MAP2K5: variants seen among roughly 807,000 people sequenced by gnomAD.
MAP2K5 encodes dual specificity mitogen-activated protein kinase kinase 5.
Under a neutral mutation model 83.1 loss-of-function variants are expected in MAP2K5, and 49 were observed. That is an observed-to-expected ratio of 0.59 (90% CI 0.47 to 0.75). The LOEUF is 0.75. Among genes scored for constraint, MAP2K5 ranks in the 30% least tolerant of loss-of-function variants. The pLI, the probability that MAP2K5 is intolerant of heterozygous loss-of-function variation, is 0.00. For missense variants in MAP2K5, 457 were observed against 557.5 expected, an observed-to-expected ratio of 0.82 and a Z score of 1.82; for synonymous variants, 202 against 191.8, an observed-to-expected ratio of 1.05 and a Z score of -0.44.
At position 67,774,624 on chromosome 15, in the gene MAP2K5, A is replaced by C. The variant is rs2090204999; in HGVS notation, c.1242+1872A>C. On this transcript the variant is annotated intron_variant, in intron 21 of 21. Coordinates refer to ENST00000178640, the MANE Select transcript of MAP2K5 (RefSeq NM_145160.3). This position sits in a 1 kb window ranked among gnomAD's most constrained non-coding sequence, Gnocchi z 4.9. The stretch of plus-strand genomic sequence containing the variant: ...CCAATCTAAAGGAACCAGCCTCTTT[A>C]TTCCTTCCAGCATATTAATGGCTTT... 6.6e-6 allele frequency among the ~76,000 whole-genome samples: 1 copy of C among 152,164 alleles called. No homozygotes were observed. Among genetic ancestry groups the C allele is most frequent in the Non-Finnish European group, 1.5e-5 (1 of 68,012 alleles).
At position 67,684,848 on chromosome 15, in the gene MAP2K5, G is replaced by A. The variant is rs532653090; in HGVS notation, c.848-7631G>A. Among the ~76,000 whole-genome samples, 5 of 152,212 alleles carry A rather than the reference G, an allele frequency of 3.3e-5. No individual in the cohort carries two copies. The South Asian group carries it at 1.0e-3, about 32-fold the overall frequency. On this transcript the variant is annotated intron_variant, in intron 13 of 21. Coordinates refer to ENST00000178640, the MANE Select transcript of MAP2K5 (RefSeq NM_145160.3). ...GGAATTAACTGAATTAGACACTACA[G>A]AAGAAATTGTGATATTGAGGTTAAA...
chr15:67,588,997 T>A (rs1272756596), intron 6 of MAP2K5, among the ~76,000 whole-genome samples: 1 of 149,428 alleles, frequency 6.7e-6, no homozygotes, highest in African/African-American at 2.4e-5. Flanking sequence ...TTTTTTTTTA[T>A]TTTTTTAAAT....
intron 13 of MAP2K5, among the ~76,000 whole-genome samples, chr15:67,669,035 T>G (rs978608864): frequency 6.6e-6 from 1 of 152,184 alleles, no homozygotes. Context: ...TACCCTTGGC[T>G]TTTCTCTTTT....
chr15:67,704,725 C>G (rs145026945), intron 16 of MAP2K5, among the ~76,000 whole-genome samples: 192 of 152,266 alleles, frequency 1.3e-3, no homozygotes, highest in African/African-American at 4.5e-3. Context: ...CCAACAGAAT[C>G]CACAAGGGCT....
rs554065826 is a variant in MAP2K5 at position 67,561,740 on chromosome 15, A to G, written c.185-1543A>G. Among the ~76,000 whole-genome samples the G allele has an allele frequency of 6.6e-6, 1 of 152,326 alleles. No individual in the cohort carries two copies. The highest frequency in any genetic ancestry group is 1.9e-4 in the East Asian group (1 of 5,188). Reference sequence around the variant, plus strand: ...TCATGCTATCAGATTGCTGTTGGCCACTGAAGAGATAAAGGGAGAAAGTAT... The same window carrying G: ...TCATGCTATCAGATTGCTGTTGGCCGCTGAAGAGATAAAGGGAGAAAGTAT... On this transcript the variant is annotated intron_variant, in intron 2 of 21. Coordinates refer to ENST00000178640, the MANE Select transcript of MAP2K5 (RefSeq NM_145160.3). The surrounding 1 kb of genome is among the most constrained non-coding windows in gnomAD (Gnocchi z 4.2).
chr15:67,616,486 A>G (rs1363824169), intron 8 of MAP2K5, among the ~76,000 whole-genome samples: 2 of 152,148 alleles, frequency 1.3e-5, no homozygotes, highest in Non-Finnish European at 2.9e-5. Flanking sequence ...TGGACGTCCT[A>G]TAAATCCCTA....
chr15:67,607,805 TA>T (rs1214651150), intron 8 of MAP2K5, among the ~76,000 whole-genome samples: 1 of 152,212 alleles, frequency 6.6e-6, no homozygotes, highest in Non-Finnish European at 1.5e-5. Context: ...TTTTATTTTT[TA>T]TGATAGTATA....
chr15:67,729,141 T>C (rs770227561), intron 17 of MAP2K5, among the ~76,000 whole-genome samples: 1 of 152,232 alleles, frequency 6.6e-6, no homozygotes, highest in African/African-American at 2.4e-5. Flanking sequence ...AGTGAGATTT[T>C]AGTGTATATA....
At chr15:67,718,826 G>A (rs1416619641) in intron 16 of MAP2K5, among the ~76,000 whole-genome samples, 2 of 152,134 alleles carry the variant, frequency 1.3e-5, no homozygotes, top group African/African-American at 4.8e-5. Flanking sequence ...GAGATATTTT[G>A]ATACAGGCAT....
At chr15:67,672,856 A>G (rs1440964169) in intron 13 of MAP2K5, among the ~76,000 whole-genome samples, 1 of 151,488 alleles carries the variant, frequency 6.6e-6, no homozygotes, top group East Asian at 1.9e-4. Context: ...TAAGGAAGGG[A>G]TCCAGTTTCA....
In MAP2K5 at chr15:67,543,219, C is replaced by T. The variant is rs1422517269; in HGVS notation, c.-117C>T. ...TTCCCTCCCCCTCATCCTCCATTCC[C>T]TTGTTTTCACCCTCTGTCCTCTGCC... On this transcript the variant is annotated 5_prime_UTR_variant, in exon 1 of 22. Coordinates refer to ENST00000178640, the MANE Select transcript of MAP2K5 (RefSeq NM_145160.3). This position sits in a 1 kb window ranked among gnomAD's most constrained non-coding sequence, Gnocchi z 4.3. 9.2e-7 allele frequency: 1 copy of T among 1,081,924 alleles called. No individual in the cohort carries two copies. The highest frequency in any genetic ancestry group is 1.4e-6 in the Non-Finnish European group (1 of 718,712). The allele number at this position is 1,081,924 out of a possible 1,614,324, so 67.0% of individuals were successfully genotyped here.
At chr15:67,574,499 G>A (rs1309015216) in intron 3 of MAP2K5, among the ~76,000 whole-genome samples, 1 of 151,724 alleles carries the variant, frequency 6.6e-6, no homozygotes, top group Non-Finnish European at 1.5e-5. Flanking sequence ...TTGAACCCAG[G>A]AGGCGGAAGT....
rs758111926 is a variant in MAP2K5, at chr15:67,552,818, TGTTAA to T, written c.184+2739_184+2743del. ...AGCAACTTGCTGAAAGTCTCTCAGC[TGTTAA>T]GTGGTAAAGTGGAATTTCTGGAGTA... On this transcript the variant is annotated intron_variant, in intron 2 of 21. Coordinates refer to ENST00000178640, the MANE Select transcript of MAP2K5 (RefSeq NM_145160.3). This position sits in a 1 kb window ranked among gnomAD's most constrained non-coding sequence, Gnocchi z 4.2. 6.6e-6 allele frequency among the ~76,000 whole-genome samples: 1 copy of T among 152,338 alleles called. No individual in the cohort carries two copies. Among genetic ancestry groups the T allele is most frequent in the Non-Finnish European group, 1.5e-5 (1 of 68,034 alleles).
intron 13 of MAP2K5, among the ~76,000 whole-genome samples, chr15:67,689,450 A>C (rs942033736): frequency 6.6e-6 from 1 of 152,190 alleles, no homozygotes; most frequent in Non-Finnish European, 1.5e-5. Flanking sequence ...GGAAGGAGAT[A>C]ATGAAAACAG....
chr15:67,750,647 ACT>A lies in MAP2K5; in HGVS notation c.1134+2051_1134+2052del, dbSNP rs2089697460. 6.6e-6 allele frequency among the ~76,000 whole-genome samples: 1 copy of A among 152,208 alleles called. No homozygotes were observed. The highest frequency in any genetic ancestry group is 2.4e-5 in the African/African-American group (1 of 41,522). ...CTAGAATCTACTAGTTTCTCGGGTA[ACT>A]CTCTGCACATTATAAGTTTGAAAAC... On this transcript the variant is annotated intron_variant, in intron 19 of 21. Transcript: ENST00000178640. The surrounding 1 kb of genome is among the most constrained non-coding windows in gnomAD (Gnocchi z 4.2).
intron 13 of MAP2K5, among the ~76,000 whole-genome samples, chr15:67,679,288 A>G (rs965947381): frequency 5.9e-5 from 9 of 152,126 alleles, no homozygotes; most frequent in African/African-American, 9.7e-5. Context: ...ATTGATGCAG[A>G]ATGTGTAAAG....
chr15:67,730,424 C>A (rs1194085324), intron 17 of MAP2K5, among the ~76,000 whole-genome samples: 1 of 152,156 alleles, frequency 6.6e-6, no homozygotes, highest in East Asian at 1.9e-4. Context: ...GGTTTGGTTT[C>A]TTTGAATCCC....
chr15:67,646,533 G>A, intron 11 of MAP2K5, 64 bp downstream of exon 11: 2 of 834,232 alleles, frequency 2.4e-6, no homozygotes, highest in Non-Finnish European at 3.8e-6. Flanking sequence ...TTTAAAACCT[G>A]GTTTTGATAT....
rs2088990685 is a variant in MAP2K5 at position 67,722,628 on chromosome 15, AAACTCTTTCTCTAGGAC to A, written c.1045-5287_1045-5271del. Among the ~76,000 whole-genome samples, 1 of 152,206 alleles carries A rather than the reference AAACTCTTTCTCTAGGAC, an allele frequency of 6.6e-6. No homozygotes were observed. Among genetic ancestry groups the A allele is most frequent in the Non-Finnish European group, 1.5e-5 (1 of 68,042 alleles). On this transcript the variant is annotated intron_variant, in intron 16 of 21. Coordinates refer to ENST00000178640, the MANE Select transcript of MAP2K5 (RefSeq NM_145160.3). The surrounding 1 kb of genome is among the most constrained non-coding windows in gnomAD (Gnocchi z 4.2). ...TCACCAGCATAGTTTCAGATGATTT[AAACTCTTTCTCTAGGAC>A]TGTGTAAATTGGTCTTGGGATGAAA...
Sources: gnomAD v4.1 joint callset for allele counts (sites outside exome capture counted in the v4.1 genomes callset) on GRCh38, gnomAD v4.1.1 for gene constraint, Gnocchi (gnomAD v3.1) non-coding constraint, MANE v1.5 for transcripts, NCBI Gene and HGNC (gene_info 2026-07-23, HGNC 2026-07-21) for gene names.